WASF2: variants seen among roughly 807,000 people sequenced by gnomAD.
WASF2 encodes the protein WASP family member 2.
WASF2 carries 14 observed loss-of-function variants against 45.0 expected under a neutral mutation model. That is an observed-to-expected ratio of 0.31 (90% CI 0.21 to 0.49). The LOEUF is 0.49. Ranked by LOEUF, WASF2 falls within the 20% of genes least tolerant of loss-of-function variation. The pLI is 0.99. For missense variants in WASF2, 439 were observed against 636.1 expected, an observed-to-expected ratio of 0.69 and a Z score of 3.33; for synonymous variants, 200 against 236.3, an observed-to-expected ratio of 0.85 and a Z score of 1.41.
At chr1:27,411,115 G>C (rs2016755486) in intron 7 of WASF2, among the ~76,000 whole-genome samples, 1 of 152,212 alleles carries the variant, frequency 6.6e-6, no homozygotes, top group African/African-American at 2.4e-5. Context: ...ATGGTTTCTA[G>C]GGCCAAGAAG....
At position 27,441,762 on chromosome 1, in the gene WASF2, A is replaced by AAG. The variant is rs1291068089; in HGVS notation, c.-43-12830_-43-12829insCT. Among the ~76,000 whole-genome samples, 1,142 of 148,286 alleles carry AAG rather than the reference A, an allele frequency of 7.7e-3. 22 individuals are homozygous for AAG. Among genetic ancestry groups the AAG allele is most frequent in the African/African-American group, 0.027 (1,075 of 40,178 alleles). ...GAGCGAGACTCCGTCTCAAAAAAAA[A>AAG]AAAAAAAAAAAAAATTAGCCGGGCG... On this transcript the variant is annotated intron_variant, in intron 1 of 8. Coordinates refer to ENST00000618852, the MANE Select transcript of WASF2 (RefSeq NM_006990.5).
intron 2 of WASF2, among the ~76,000 whole-genome samples, chr1:27,420,077 G>GT (rs2016885244): frequency 6.6e-6 from 1 of 152,012 alleles, no homozygotes; most frequent in South Asian, 2.1e-4. Context: ...ACTAATTTTT[G>GT]TATTTTTGGT....
At chr1:27,427,588 G>C (rs967569711) in intron 2 of WASF2, among the ~76,000 whole-genome samples, 3 of 152,172 alleles carry the variant, frequency 2.0e-5, no homozygotes, top group African/African-American at 7.2e-5. Context: ...GCCCCATCTA[G>C]GTTTCTCTAA....
intron 1 of WASF2, among the ~76,000 whole-genome samples, chr1:27,488,751 T>C (rs1373905340): frequency 6.6e-6 from 1 of 152,180 alleles, no homozygotes; most frequent in African/African-American, 2.4e-5. Context: ...CCCCCATTTG[T>C]AACAAGGCAA....
intron 7 of WASF2, 110 bp downstream of exon 7, chr1:27,412,462 T>C: frequency 6.9e-6 from 10 of 1,442,668 alleles, no homozygotes; most frequent in South Asian, 3.7e-5. Context: ...CCCACCACCT[T>C]GGCCTCCCAA....
intron 1 of WASF2, among the ~76,000 whole-genome samples, chr1:27,442,445 G>C (rs1434028158): frequency 6.6e-6 from 1 of 151,502 alleles, no homozygotes; most frequent in Non-Finnish European, 1.5e-5. Flanking sequence ...TCAGGAGGCT[G>C]AGGCAGAAGA....
rs1475701623 is a variant in WASF2, at chr1:27,414,845, A to G, written c.656T>C (p.Leu219Pro). ...GQEFVESKEK[L>P]GTSGYPPTLV... ...AGGCATTACCTACCCAGAAGTCCCCAGCTTTTCTTTGGACTCCACAAATTC... is the reference window on the plus strand; with the variant it reads ...AGGCATTACCTACCCAGAAGTCCCCGGCTTTTCTTTGGACTCCACAAATTC... The change falls in exon 6 of 9, where the codon CTG (leucine) becomes CCG (proline). Residue 219 changes from leucine (L) to proline (P), a missense_variant. This residue lies in a region of WASF2 where 286 missense variants were observed against 373.5 expected (regional missense o/e 0.77). Coordinates refer to ENST00000618852, the MANE Select transcript of WASF2 (RefSeq NM_006990.5). This position sits in a 1 kb window ranked among gnomAD's most constrained non-coding sequence, Gnocchi z 4.1. 6.2e-6 allele frequency: 10 copies of G among 1,614,114 alleles called. No individual in the cohort carries two copies. The highest frequency in any genetic ancestry group is 7.6e-6 in the Non-Finnish European group (9 of 1,180,014).
chr1:27,456,468 G>C (rs2017469522), intron 1 of WASF2, among the ~76,000 whole-genome samples: 1 of 152,058 alleles, frequency 6.6e-6, no homozygotes, highest in Non-Finnish European at 1.5e-5. Flanking sequence ...CCTTAGTAGA[G>C]GTCCATATCA....
chr1:27,410,293 T>C lies in WASF2; in HGVS notation c.825-87A>G. ...TTAGCCTTGTCTACAGACCGAGGTT[T>C]ATCTTGGTTGACTATACCATTTCAC... On this transcript the variant is annotated intron_variant, in intron 7 of 8. Transcript: ENST00000618852. This position sits in a 1 kb window ranked among gnomAD's most constrained non-coding sequence, Gnocchi z 4.2. 6.4e-7 allele frequency: 1 copy of C among 1,552,100 alleles called. No individual in the cohort carries two copies. Among genetic ancestry groups the C allele is most frequent in the Non-Finnish European group, 8.8e-7 (1 of 1,142,718 alleles).
chr1:27,418,369 C>G lies in WASF2; in HGVS notation c.319G>C (p.Asp107His). 1 of 1,614,224 alleles carries G rather than the reference C, an allele frequency of 6.2e-7. No homozygotes were observed. The highest frequency in any genetic ancestry group is 8.5e-7 in the Non-Finnish European group (1 of 1,180,042). ...GAGTTTCTGTCAAAAAGCTTCTGGT[C>G]TTGAATGGTGGAACTTCTGAAGGCT... is the stretch of plus-strand genomic sequence containing the variant. The part of the protein sequence containing the change: ...RKAFRSSTIQ[D>H]QKLFDRNSLP... Residue 107 changes from aspartate to histidine, a missense_variant, in exon 4 of 9, where the codon GAC becomes CAC. Around this residue, in one of 5 missense-constraint regions of WASF2, gnomAD observed 98 missense variants for 120.7 expected, o/e 0.81. Transcript: ENST00000618852.
intron 5 of WASF2, among the ~76,000 whole-genome samples, chr1:27,415,360 T>TAAACA (rs923115520): frequency 3.9e-5 from 6 of 152,252 alleles, no homozygotes; most frequent in African/African-American, 7.2e-5. Context: ...GGAAATAGTT[T>TAAACA]AAACAAAACA....
Position 27,427,659 on chromosome 1 carries a change from T to C in WASF2, c.130+1102A>G, listed in dbSNP as rs77761577. ...GAAGGCTTAGGAATCTCAGACTCCA[T>C]ACATCATCTGGTCATAGAGTTCTGT... is the stretch of plus-strand genomic sequence containing the variant. On this transcript the variant is annotated intron_variant, in intron 2 of 8. Coordinates refer to ENST00000618852, the MANE Select transcript of WASF2 (RefSeq NM_006990.5). 8.8e-4 allele frequency among the ~76,000 whole-genome samples: 134 copies of C among 152,264 alleles called. 2 individuals carry two copies. The East Asian group carries it at 0.023, about 26-fold the overall frequency.
chr1:27,413,428 G>A (rs935510892), intron 6 of WASF2, among the ~76,000 whole-genome samples: 1 of 152,134 alleles, frequency 6.6e-6, no homozygotes, highest in Non-Finnish European at 1.5e-5. Context: ...AGCAAAATCT[G>A]GCCTGCTCTG....
chr1:27,412,238 G>A (rs1057078709), intron 7 of WASF2, among the ~76,000 whole-genome samples: 26 of 152,028 alleles, frequency 1.7e-4, no homozygotes, highest in Non-Finnish European at 1.5e-4. Flanking sequence ...TTTTGGTCTC[G>A]CTCTGTCACT....
intron 1 of WASF2, among the ~76,000 whole-genome samples, chr1:27,453,700 G>A (rs1241832088): frequency 1.3e-5 from 2 of 151,974 alleles, no homozygotes; most frequent in Non-Finnish European, 2.9e-5. Flanking sequence ...AGACCAGCCT[G>A]GCCAACATGG....
At chr1:27,454,169 A>G (rs1403188053) in intron 1 of WASF2, among the ~76,000 whole-genome samples, 1 of 38,244 alleles carries the variant, frequency 2.6e-5, no homozygotes, top group African/African-American at 1.1e-4. Flanking sequence ...ATATATATAT[A>G]TATATATATA....
intron 1 of WASF2, among the ~76,000 whole-genome samples, chr1:27,483,092 T>C (rs2017874480): frequency 6.6e-6 from 1 of 152,188 alleles, no homozygotes; most frequent in Non-Finnish European, 1.5e-5. Context: ...CCCAGTACTT[T>C]GGAAGGCCGA....
chr1:27,408,120 G>A lies in WASF2; in HGVS notation c.*69C>T. 1.3e-6 allele frequency: 2 copies of A among 1,571,474 alleles called. No homozygotes were observed. The highest frequency in any genetic ancestry group is 2.3e-5 in the South Asian group (2 of 85,344). ...CTCCCTTTTCTCCCCCTACGGGTCT[G>A]TTGGGGTTGGCATCAAAGAAGGCAG... On this transcript the variant is annotated 3_prime_UTR_variant, in exon 9 of 9. Transcript: ENST00000618852.
At chr1:27,422,293 T>C (rs1342476116) in intron 2 of WASF2, among the ~76,000 whole-genome samples, 1 of 152,100 alleles carries the variant, frequency 6.6e-6, no homozygotes, top group Admixed American at 6.5e-5. Context: ...CTTAGAACTA[T>C]ACTGAGACAT....
Sources: gnomAD v4.1 joint callset for allele counts (sites outside exome capture counted in the v4.1 genomes callset) on GRCh38, gnomAD v4.1.1 for gene constraint, gnomAD v4.1.1 regional missense constraint, Gnocchi (gnomAD v3.1) non-coding constraint, MANE v1.5 for transcripts, NCBI Gene and HGNC (gene_info 2026-07-23, HGNC 2026-07-21) for gene names.